Variants in TPST1 observed in about 807,000 individuals in gnomAD.
The protein encoded by TPST1 is protein-tyrosine sulfotransferase 1.
TPST1 carries 20 observed loss-of-function variants against 34.8 expected under a neutral mutation model. The ratio of observed to expected loss-of-function variants is 0.57; its 90% CI spans 0.40 to 0.84. TPST1 has a LOEUF of 0.84. TPST1 is among the 40% of genes least tolerant of loss of function. The pLI is 0.00. For missense variants in TPST1, 353 were observed against 455.5 expected (o/e 0.78, Z 2.05); for synonymous variants, 152 against 159.4 (o/e 0.95, Z 0.35).
At chr7:66,215,164 C>T (rs1224706647) in intron 1 of TPST1, among the ~76,000 whole-genome samples, 1 of 149,118 alleles carries the variant, frequency 6.7e-6, no homozygotes, top group African/African-American at 2.4e-5. Context: ...AAGCCATTCT[C>T]CTGCCTCAGC....
rs533632741 is a variant in TPST1 at position 66,248,591 on chromosome 7, C to T, written c.845+7321C>T. Among the ~76,000 whole-genome samples, 7 of 147,832 alleles carry T rather than the reference C, an allele frequency of 4.7e-5. No individual in the cohort carries two copies. In the South Asian group the frequency reaches 6.4e-4, roughly 13 times the overall value. ...TGATCTCGGCTCACTGCAACCTCTG[C>T]CTCACGAGTTCAAGTGACTCTTCTG... On this transcript the variant is annotated intron_variant, in intron 2 of 5. Transcript: ENST00000304842.
chr7:66,300,715 G>A (rs904736020), intron 3 of TPST1, among the ~76,000 whole-genome samples: 3 of 152,166 alleles, frequency 2.0e-5, no homozygotes, highest in African/African-American at 7.2e-5. Context: ...GGAGGCCAAG[G>A]TGGATGGATC....
chr7:66,281,406 C>A (rs1460458668), intron 2 of TPST1, among the ~76,000 whole-genome samples: 9 of 152,226 alleles, frequency 5.9e-5, no homozygotes, highest in Non-Finnish European at 8.8e-5. Flanking sequence ...AGGTTTGGTA[C>A]AAGGTCTTCT....
intron 3 of TPST1, among the ~76,000 whole-genome samples, chr7:66,326,521 G>A (rs1277341994): frequency 6.6e-6 from 1 of 152,156 alleles, no homozygotes; most frequent in Non-Finnish European, 1.5e-5. Context: ...CCTTTGAACA[G>A]AAATAATAGC....
At chr7:66,233,151 G>C (rs1200791327) in intron 1 of TPST1, among the ~76,000 whole-genome samples, 3 of 151,346 alleles carry the variant, frequency 2.0e-5, no homozygotes, top group Non-Finnish European at 4.4e-5. Context: ...CCATTTTTTG[G>C]TTTGTCTTTC....
intron 2 of TPST1, among the ~76,000 whole-genome samples, chr7:66,252,381 A>T (rs1234293637): frequency 6.2e-5 from 6 of 96,134 alleles, no homozygotes; most frequent in Non-Finnish European, 2.0e-5. Context: ...TTTGAGACGG[A>T]GTCTCGCTCT....
chr7:66,262,486 G>A (rs1475131895), intron 2 of TPST1, among the ~76,000 whole-genome samples: 6 of 152,174 alleles, frequency 3.9e-5, no homozygotes, highest in Non-Finnish European at 8.8e-5. Flanking sequence ...GGGTCATCTT[G>A]TGTAGCAGTC....
At chr7:66,244,937 G>A in intron 2 of TPST1, among the ~76,000 whole-genome samples, 1 of 152,016 alleles carries the variant, frequency 6.6e-6, no homozygotes, top group Non-Finnish European at 1.5e-5. Context: ...AAGTACAAGA[G>A]AACAAATAAG....
rs188991197 is a variant in TPST1, at chr7:66,354,472, G to A, written c.1095+1917G>A. ...AATATAAAATAATTAGCAAGACTTG[G>A]TGGTGTGCGCCTGTAATCCCAGCCT... On this transcript the variant is annotated intron_variant, in intron 4 of 5. Coordinates refer to ENST00000304842, the MANE Select transcript of TPST1 (RefSeq NM_003596.4). 1.8e-4 allele frequency among the ~76,000 whole-genome samples: 26 copies of A among 142,236 alleles called. 1 individual carries two copies. The highest frequency in any genetic ancestry group is 7.9e-3 in the Middle Eastern group (2 of 254). The allele number at this position is 142,236 out of a possible 152,430, so 93.3% of individuals were successfully genotyped here.
chr7:66,201,638 C>G (rs2116162514), upstream of TPST1, among the ~76,000 whole-genome samples: 1 of 151,900 alleles, frequency 6.6e-6, no homozygotes, highest in South Asian at 2.1e-4. Context: ...TTGCAGTCAG[C>G]CGATATCATG....
intron 3 of TPST1, among the ~76,000 whole-genome samples, chr7:66,347,775 A>T (rs889640568): frequency 6.6e-6 from 1 of 151,918 alleles, no homozygotes; most frequent in Non-Finnish European, 1.5e-5. Flanking sequence ...TCTTTTTCAG[A>T]TTGTTCACTG....
At chr7:66,311,024 T>C (rs1791520624) in intron 3 of TPST1, among the ~76,000 whole-genome samples, 1 of 152,124 alleles carries the variant, frequency 6.6e-6, no homozygotes, top group Non-Finnish European at 1.5e-5. Context: ...GAAATTCTTA[T>C]CTCATTCTTT....
intron 3 of TPST1, among the ~76,000 whole-genome samples, chr7:66,338,972 T>C (rs968090208): frequency 2.6e-5 from 4 of 151,716 alleles, no homozygotes; most frequent in African/African-American, 9.7e-5. Flanking sequence ...AACAAACCAA[T>C]GTTAATAGAA....
intron 3 of TPST1, among the ~76,000 whole-genome samples, chr7:66,307,078 C>T (rs1228992819): frequency 6.6e-6 from 1 of 151,720 alleles, no homozygotes; most frequent in East Asian, 1.9e-4. Context: ...GGAGGAACAA[C>T]TTTATGGGAT....
chr7:66,266,291 A>C (rs2115760346), intron 2 of TPST1, among the ~76,000 whole-genome samples: 1 of 152,288 alleles, frequency 6.6e-6, no homozygotes, highest in Non-Finnish European at 1.5e-5. Context: ...AAAAAAAAAA[A>C]AGTAGGCTTA....
chr7:66,302,412 A>C (rs1365376089), intron 3 of TPST1, among the ~76,000 whole-genome samples: 1 of 152,198 alleles, frequency 6.6e-6, no homozygotes, highest in Non-Finnish European at 1.5e-5. Flanking sequence ...AGCACCACAC[A>C]GCATTGGGAG....
intron 3 of TPST1, among the ~76,000 whole-genome samples, chr7:66,344,669 C>T (rs1199996349): frequency 1.3e-5 from 2 of 151,938 alleles, no homozygotes; most frequent in African/African-American, 4.8e-5. Context: ...CCTTGGCCTC[C>T]CAAAGTGCTG....
rs370296237 is a variant in TPST1 at position 66,240,388 on chromosome 7, G to A, written c.-38G>A. 1.9e-6 allele frequency: 3 copies of A among 1,586,012 alleles called. No individual in the cohort carries two copies. The highest frequency in any genetic ancestry group is 2.7e-5 in the African/African-American group (2 of 74,138). ...GAACATTTTCCGAAAATCATTTTGA[G>A]CAAAATATCTGTTTAATAACAAGAT... On this transcript the variant is annotated 5_prime_UTR_variant, in exon 2 of 6. Transcript: ENST00000304842.
At chr7:66,221,280 G>A (rs764079196) in intron 1 of TPST1, among the ~76,000 whole-genome samples, 2 of 152,068 alleles carry the variant, frequency 1.3e-5, no homozygotes, top group African/African-American at 4.8e-5. Flanking sequence ...GTAATTATCA[G>A]CAGGGAAAAA....
Sources: allele counts gnomAD v4.1 joint callset (sites outside exome capture counted in the v4.1 genomes callset), GRCh38; gene constraint gnomAD v4.1.1; transcripts MANE v1.5; gene names NCBI Gene and HGNC (gene_info 2026-07-23, HGNC 2026-07-21).